Variants in ANKS1B observed in about 807,000 individuals in gnomAD.
ANKS1B encodes the protein ankyrin repeat and sterile alpha motif domain-containing protein 1B.
Under a neutral mutation model 148.3 loss-of-function variants are expected in ANKS1B, and 36 were observed. The observed-to-expected ratio is 0.24, with a 90% CI of 0.19 to 0.32. The LOEUF is 0.32. ANKS1B is among the 10% of genes least tolerant of loss of function. ANKS1B has a pLI of 1.00. For missense variants in ANKS1B, 1,157 were observed against 1,542.6 expected, an observed-to-expected ratio of 0.75 and a Z score of 4.19; for synonymous variants, 542 against 560.8, an observed-to-expected ratio of 0.97 and a Z score of 0.47.
chr12:98,784,297 G>T (rs2098767621), intron 22 of ANKS1B, among the ~76,000 whole-genome samples: 1 of 152,186 alleles, frequency 6.6e-6, no homozygotes, highest in East Asian at 1.9e-4. Flanking sequence ...CACTTCAGGG[G>T]AAGATGAAAT....
intron 9 of ANKS1B, among the ~76,000 whole-genome samples, chr12:99,524,818 A>C (rs2096910541): frequency 6.6e-6 from 1 of 152,182 alleles, no homozygotes; most frequent in Non-Finnish European, 1.5e-5. Flanking sequence ...TACCATGAGA[A>C]CAGTATTGGG....
At chr12:99,276,242 A>T (rs1330961584) in intron 12 of ANKS1B, among the ~76,000 whole-genome samples, 2 of 152,140 alleles carry the variant, frequency 1.3e-5, no homozygotes, top group Admixed American at 1.3e-4. Flanking sequence ...TGGGACATTA[A>T]ATTTTGGGCA....
chr12:98,886,230 G>T (rs1333436392), intron 17 of ANKS1B, among the ~76,000 whole-genome samples: 1 of 152,108 alleles, frequency 6.6e-6, no homozygotes, highest in Non-Finnish European at 1.5e-5. Flanking sequence ...TGAATGAGAT[G>T]AAAAAGGATA....
At chr12:99,471,657 C>CAT (rs1235074679) in intron 10 of ANKS1B, among the ~76,000 whole-genome samples, 2 of 151,938 alleles carry the variant, frequency 1.3e-5, no homozygotes, top group African/African-American at 4.8e-5. Context: ...TGCACACACA[C>CAT]ACACACACAC....
Position 98,745,455 on chromosome 12 carries a change from A to G in ANKS1B, c.*284T>C. 9.4e-7 allele frequency: 1 copy of G among 1,067,362 alleles called. No individual in the cohort carries two copies. The highest frequency in any genetic ancestry group is 1.1e-6 in the Non-Finnish European group (1 of 884,958). 66.1% of individuals were successfully genotyped at this position (1,067,362 alleles called of 1,614,324 possible). A position where few individuals can be genotyped will look rare whatever the true frequency, so the allele number is the denominator to read the frequency against. ...GCAAAGCAAGTACTGGGGCGGAGTC[A>G]TCAGAAATACCTTGGGAGGTGGTGG... is the stretch of plus-strand genomic sequence containing the variant. On this transcript the variant is annotated 3_prime_UTR_variant, in exon 27 of 27. Transcript: ENST00000683438.
intron 15 of ANKS1B, among the ~76,000 whole-genome samples, chr12:99,093,083 G>A (rs77644000): frequency 0.016 from 2,409 of 152,168 alleles, 58 homozygotes; most frequent in African/African-American, 0.055. Flanking sequence ...GGAGATTCCG[G>A]TCCATAGATA....
chr12:98,758,851 G>A (rs1274381496), intron 25 of ANKS1B, among the ~76,000 whole-genome samples: 1 of 139,322 alleles, frequency 7.2e-6, no homozygotes, highest in African/African-American at 2.7e-5. Flanking sequence ...TGTGATCTCA[G>A]CTTACTGCCA....
chr12:99,300,214 G>T (rs2154019783), intron 12 of ANKS1B, among the ~76,000 whole-genome samples: 1 of 152,218 alleles, frequency 6.6e-6, no homozygotes, highest in South Asian at 2.1e-4. Context: ...AACGAATTAG[G>T]CCTGAAGGAA....
chr12:98,778,820 C>A (rs1259479292), intron 24 of ANKS1B, among the ~76,000 whole-genome samples: 1 of 152,126 alleles, frequency 6.6e-6, no homozygotes. Context: ...CTGCTAAACA[C>A]AATCTCTCTA....
At chr12:99,478,972 C>T (rs1019219043) in intron 10 of ANKS1B, among the ~76,000 whole-genome samples, 4 of 151,938 alleles carry the variant, frequency 2.6e-5, no homozygotes, top group Non-Finnish European at 2.9e-5. Context: ...ACCCAATTTA[C>T]TTAAAATATT....
chr12:99,199,061 G>A (rs1157887173), intron 14 of ANKS1B, among the ~76,000 whole-genome samples: 1 of 152,158 alleles, frequency 6.6e-6, no homozygotes, highest in African/African-American at 2.4e-5. Flanking sequence ...ATTGCCAGCT[G>A]TTTAAGTGAG....
intron 8 of ANKS1B, among the ~76,000 whole-genome samples, chr12:99,732,898 C>A (rs1386326642): frequency 6.6e-6 from 1 of 152,008 alleles, no homozygotes. Context: ...TGAAAATATT[C>A]TTTTGTCAAT....
chr12:99,306,125 G>T (rs1206392541), intron 12 of ANKS1B, among the ~76,000 whole-genome samples: 1 of 152,078 alleles, frequency 6.6e-6, no homozygotes, highest in African/African-American at 2.4e-5. Context: ...GAAGGTCTTA[G>T]TGTTGTGCTT....
intron 12 of ANKS1B, among the ~76,000 whole-genome samples, chr12:99,371,349 T>G (rs1454943986): frequency 1.3e-5 from 2 of 152,062 alleles, no homozygotes; most frequent in African/African-American, 4.8e-5. Flanking sequence ...TGGTGATAGT[T>G]TGATGGAGGA....
At chr12:99,423,075 A>G (rs1236789689) in intron 11 of ANKS1B, among the ~76,000 whole-genome samples, 1 of 152,206 alleles carries the variant, frequency 6.6e-6, no homozygotes, top group Non-Finnish European at 1.5e-5. Context: ...TGAGTAGACT[A>G]GGAGGAAAAT....
At chr12:99,694,390 G>C (rs2053586762) in intron 8 of ANKS1B, among the ~76,000 whole-genome samples, 1 of 150,000 alleles carries the variant, frequency 6.7e-6, no homozygotes, top group Admixed American at 6.7e-5. Context: ...AGTAAGCTGA[G>C]ATCATGCCAC....
intron 4 of ANKS1B, among the ~76,000 whole-genome samples, chr12:99,788,332 G>T (rs2065222321): frequency 6.6e-6 from 1 of 152,200 alleles, no homozygotes; most frequent in Admixed American, 6.5e-5. Context: ...GAGTTGTGAA[G>T]CCCTAAATCC....
intron 8 of ANKS1B, among the ~76,000 whole-genome samples, chr12:99,683,611 C>G (rs2098633528): frequency 6.6e-6 from 1 of 152,066 alleles, no homozygotes; most frequent in Non-Finnish European, 1.5e-5. Flanking sequence ...GGAATCCTCC[C>G]TAAATCATTC....
At chr12:98,826,189 G>A (rs2099247365) in intron 19 of ANKS1B, among the ~76,000 whole-genome samples, 1 of 151,978 alleles carries the variant, frequency 6.6e-6, no homozygotes, top group African/African-American at 2.4e-5. Context: ...TTTGTTTCTT[G>A]CATATTCATT....
Sources: gnomAD v4.1 joint callset for allele counts (sites outside exome capture counted in the v4.1 genomes callset) on GRCh38, gnomAD v4.1.1 for gene constraint, MANE v1.5 for transcripts, NCBI Gene and HGNC (gene_info 2026-07-23, HGNC 2026-07-21) for gene names.